The following TMEM209 variants were observed in gnomAD, a reference collection of about 807,000 sequenced individuals.
The protein encoded by TMEM209 is testicular tissue protein Li 202.
A neutral mutation model predicts 76.2 loss-of-function variants in TMEM209; 65 were observed. The observed-to-expected ratio is 0.85, with a 90% CI of 0.70 to 1.05. The LOEUF (loss-of-function observed/expected upper bound fraction) is 1.05. Among genes scored for constraint, TMEM209 ranks in the 50% least tolerant of loss-of-function variants. The pLI is 0.00. For missense variants in TMEM209, 623 were observed against 685.5 expected, an observed-to-expected ratio of 0.91 and a Z score of 1.02; for synonymous variants, 239 against 237.6, an observed-to-expected ratio of 1.01 and a Z score of -0.06.
At chr7:130,199,440 T>G (rs1798110507) in intron 5 of TMEM209, among the ~76,000 whole-genome samples, 1 of 152,194 alleles carries the variant, frequency 6.6e-6, no homozygotes, top group Non-Finnish European at 1.5e-5. Flanking sequence ...CAGGATGGTC[T>G]TGATCTCCTG....
Position 130,172,975 on chromosome 7 carries a change from G to A in TMEM209, c.1557+657C>T, listed in dbSNP as rs1170116732. Among the ~76,000 whole-genome samples the A allele has an allele frequency of 1.7e-4, 25 of 143,744 alleles. 1 individual carries two copies. Among genetic ancestry groups the A allele is most frequent in the Non-Finnish European group, 3.3e-4 (22 of 66,570 alleles). The allele number at this position is 143,744 out of a possible 152,430, so 94.3% of individuals were successfully genotyped here. Reference sequence around the variant, plus strand: ...GATTGCACCACTGCACTCCAGCCTGGGTAACAGAGTGAGACTCTATCTCAA... The same window carrying A: ...GATTGCACCACTGCACTCCAGCCTGAGTAACAGAGTGAGACTCTATCTCAA... On this transcript the variant is annotated intron_variant, in intron 13 of 14. Coordinates refer to ENST00000397622, the MANE Select transcript of TMEM209 (RefSeq NM_032842.4).
In TMEM209 at chr7:130,205,372, C is replaced by A; in HGVS notation, c.3+1G>T. The A allele has an allele frequency of 6.2e-7, 1 of 1,613,952 alleles. No homozygotes were observed. On this transcript the variant is annotated splice_donor_variant, in intron 1 of 14. Transcript: ENST00000397622. LOFTEE classifies it high-confidence loss of function. ...GCACAAACACGACCCCGAAAACGCA[C>A]CATGTCCTCTGGCCGGAAAACGCAG...
In TMEM209 at chr7:130,205,395, C is replaced by A. The variant is rs1243874144; in HGVS notation, c.-20G>T. 4.3e-6 allele frequency: 7 copies of A among 1,613,716 alleles called. No individual in the cohort carries two copies. The South Asian group carries it at 4.4e-5, about 10-fold the overall frequency. On this transcript the variant is annotated 5_prime_UTR_variant, in exon 1 of 15. Transcript: ENST00000397622. ...CACCATGTCCTCTGGCCGGAAAACGCAGGCTCGCGCCACTCTCTCTGGGCA... is the reference window on the plus strand; with the variant it reads ...CACCATGTCCTCTGGCCGGAAAACGAAGGCTCGCGCCACTCTCTCTGGGCA...
intron 6 of TMEM209, among the ~76,000 whole-genome samples, chr7:130,185,903 A>C (rs1797581752): frequency 6.6e-6 from 1 of 152,162 alleles, no homozygotes; most frequent in African/African-American, 2.4e-5. Context: ...ATCCTTCTAA[A>C]TTTATAAATT....
At chr7:130,201,015 G>C (rs1314979537) in intron 5 of TMEM209, among the ~76,000 whole-genome samples, 1 of 145,260 alleles carries the variant, frequency 6.9e-6, no homozygotes, top group African/African-American at 2.5e-5. Context: ...CATGAGCCCG[G>C]GAGGCGGAGT....
At chr7:130,168,629 A>G (rs1796952627) in intron 14 of TMEM209, among the ~76,000 whole-genome samples, 1 of 152,230 alleles carries the variant, frequency 6.6e-6, no homozygotes, top group Admixed American at 6.5e-5. Flanking sequence ...AAATTAGATC[A>G]TAAAGTACTA....
In TMEM209 at chr7:130,189,273, T is replaced by C. The variant is rs1037172699; in HGVS notation, c.775+3349A>G. On this transcript the variant is annotated intron_variant, in intron 6 of 14. Transcript: ENST00000397622. ...GTGCAGTGGTGTGATCTCGGTTCAC[T>C]GCAACCTCCGCCTCCCGGATTCAAG... is the stretch of plus-strand genomic sequence containing the variant. Among the ~76,000 whole-genome samples the C allele has an allele frequency of 2.0e-5, 3 of 151,686 alleles. No individual in the cohort carries two copies. The East Asian group carries it at 5.8e-4, about 29-fold the overall frequency.
In TMEM209 at chr7:130,205,392, A is replaced by G. The variant is rs1798419480; in HGVS notation, c.-17T>C. The G allele has an allele frequency of 6.2e-7, 1 of 1,613,836 alleles. No individual in the cohort carries two copies. The highest frequency in any genetic ancestry group is 1.1e-5 in the South Asian group (1 of 91,076). The stretch of plus-strand genomic sequence containing the variant: ...ACGCACCATGTCCTCTGGCCGGAAA[A>G]CGCAGGCTCGCGCCACTCTCTCTGG... On this transcript the variant is annotated 5_prime_UTR_variant, in exon 1 of 15. Transcript: ENST00000397622.
At chr7:130,178,261 A>G in intron 10 of TMEM209, 141 bp downstream of exon 10, 2 of 830,420 alleles carry the variant, frequency 2.4e-6, no homozygotes, top group Non-Finnish European at 3.4e-6. Flanking sequence ...TACACAAAAT[A>G]AAGTTATTAA....
intron 6 of TMEM209, among the ~76,000 whole-genome samples, chr7:130,189,204 ATTTT>A (rs928200280): frequency 6.6e-6 from 1 of 151,852 alleles, no homozygotes; most frequent in African/African-American, 2.4e-5. Flanking sequence ...TCATTTATTT[ATTTT>A]TTCTTTGAGA....
intron 5 of TMEM209, among the ~76,000 whole-genome samples, chr7:130,196,342 A>C (rs1277157213): frequency 6.7e-6 from 1 of 150,144 alleles, no homozygotes; most frequent in African/African-American, 2.5e-5. Context: ...TTTTTTTTCC[A>C]AGAAAAGTAA....
At chr7:130,170,830 A>T (rs959015484) in intron 13 of TMEM209, among the ~76,000 whole-genome samples, 4 of 142,402 alleles carry the variant, frequency 2.8e-5, no homozygotes, top group Non-Finnish European at 4.6e-5. Context: ...TGAGGGAAAG[A>T]TTTTTTTTTT....
At chr7:130,177,296 A>T (rs1375032949) in intron 10 of TMEM209, among the ~76,000 whole-genome samples, 1 of 151,044 alleles carries the variant, frequency 6.6e-6, no homozygotes, top group Non-Finnish European at 1.5e-5. Context: ...GGTTGCAGTG[A>T]GCCAAGATTG....
rs780890772 is a variant in TMEM209, at chr7:130,205,339, GACAGGAAGCACAAAC to G, written c.3+19_3+33del. 34 of 1,613,754 alleles carry G rather than the reference GACAGGAAGCACAAAC, an allele frequency of 2.1e-5. No homozygotes were observed. The highest frequency in any genetic ancestry group is 2.8e-5 in the Non-Finnish European group (33 of 1,179,892). ...CTCCCACAACCCGCGTAGATTCCAAGACAGGAAGCACAAACACGACCCCGAAAACGCACCATGTCC... is the reference window on the plus strand; with the variant it reads ...CTCCCACAACCCGCGTAGATTCCAAGACGACCCCGAAAACGCACCATGTCC... On this transcript the variant is annotated intron_variant, in intron 1 of 14. Transcript: ENST00000397622.
chr7:130,181,105 T>C (rs1797397633), intron 9 of TMEM209, among the ~76,000 whole-genome samples: 1 of 152,278 alleles, frequency 6.6e-6, no homozygotes, highest in South Asian at 2.1e-4. Flanking sequence ...GTAGTAGATC[T>C]ATTTTGAATA....
Position 130,202,606 on chromosome 7 carries a change from A to C in TMEM209, c.257T>G (p.Phe86Cys). 1 of 1,613,898 alleles carries C rather than the reference A, an allele frequency of 6.2e-7. No individual in the cohort carries two copies. The highest frequency in any genetic ancestry group is 8.5e-7 in the Non-Finnish European group (1 of 1,179,844). ...ACTTGTTGGTGCCACAGTATATTTG[A>C]AATATCTCCAAAAATCAAATAAGGC... ...LNALFDFWRY[F>C]KYTVAPTSLV... Residue 86 changes from phenylalanine (F) to cysteine (C), a missense_variant, in exon 4 of 15, where the codon TTC (phenylalanine) becomes TGC (cysteine). Coordinates refer to ENST00000397622, the MANE Select transcript of TMEM209 (RefSeq NM_032842.4).
chr7:130,185,390 T>C (rs1797564746), intron 6 of TMEM209, 23 bp from the exon 7 acceptor site: 2 of 1,605,274 alleles, frequency 1.2e-6, no homozygotes, highest in African/African-American at 2.7e-5. Flanking sequence ...AGATAAACAG[T>C]ATCAGTGTGT....
chr7:130,192,520 GC>G, intron 6 of TMEM209, 101 bp downstream of exon 6: 2 of 987,134 alleles, frequency 2.0e-6, no homozygotes, highest in Non-Finnish European at 3.1e-6. Context: ...AACATGCTAA[GC>G]TAATAAAGTA....
chr7:130,185,571 A>G (rs1797571193), intron 6 of TMEM209, among the ~76,000 whole-genome samples: 1 of 152,230 alleles, frequency 6.6e-6, no homozygotes, highest in Admixed American at 6.5e-5. Context: ...AGCCATATCA[A>G]TTTAACAGTC....
Sources: allele counts gnomAD v4.1 joint callset (sites outside exome capture counted in the v4.1 genomes callset), GRCh38; gene constraint gnomAD v4.1.1; transcripts MANE v1.5; gene names NCBI Gene and HGNC (gene_info 2026-07-23, HGNC 2026-07-21).